The following DOK6 variants were observed in gnomAD, a reference collection of about 807,000 sequenced individuals.
DOK6 encodes the protein docking protein 6, also known as downstream of tyrosine kinase 6.
A neutral mutation model predicts 44.0 loss-of-function variants in DOK6; 22 were observed. That is an observed-to-expected ratio of 0.50 (90% CI 0.36 to 0.71). DOK6 has a LOEUF of 0.71. Ranked by LOEUF, DOK6 falls within the 30% of genes least tolerant of loss-of-function variation. The pLI is 0.00. For synonymous variants in DOK6, 166 were observed against 145.5 expected, an observed-to-expected ratio of 1.14 and a Z score of -1.01; for missense variants, 340 against 416.4, an observed-to-expected ratio of 0.82 and a Z score of 1.60.
intron 1 of DOK6, among the ~76,000 whole-genome samples, chr18:69,432,105 A>G (rs1599128030): frequency 6.6e-6 from 1 of 152,218 alleles, no homozygotes; most frequent in East Asian, 1.9e-4. Context: ...AATATAGTAT[A>G]CAATTAGTGA....
intron 1 of DOK6, among the ~76,000 whole-genome samples, chr18:69,521,312 A>G (rs1378937838): frequency 6.6e-6 from 1 of 151,864 alleles, no homozygotes; most frequent in East Asian, 1.9e-4. Flanking sequence ...CTCGATCATC[A>G]AGGTTCCTGT....
chr18:69,563,099 C>T (rs375006757), intron 1 of DOK6, among the ~76,000 whole-genome samples: 19 of 152,216 alleles, frequency 1.2e-4, no homozygotes, highest in African/African-American at 2.6e-4. Flanking sequence ...AACCACAATG[C>T]GATACCATCT....
chr18:69,659,982 A>ATGTAT (rs1375419973), intron 3 of DOK6: 1 of 137,198 alleles, frequency 7.3e-6, no homozygotes, highest in Non-Finnish European at 1.6e-5. Flanking sequence ...ATATGTATAT[A>ATGTAT]AAGAAAATCA....
At chr18:69,568,197 A>G (rs951982859) in intron 2 of DOK6, among the ~76,000 whole-genome samples, 2 of 152,200 alleles carry the variant, frequency 1.3e-5, no homozygotes, top group African/African-American at 4.8e-5. Context: ...GGCATGCCAT[A>G]TGCACAGCGT....
At chr18:69,499,016 G>A (rs898291322) in intron 1 of DOK6, among the ~76,000 whole-genome samples, 9 of 152,088 alleles carry the variant, frequency 5.9e-5, no homozygotes, top group African/African-American at 1.2e-4. Flanking sequence ...TCTCAACTGC[G>A]TCACTTTGAG....
In DOK6 at chr18:69,841,617, A is replaced by G; in HGVS notation, c.*234A>G. On this transcript the variant is annotated 3_prime_UTR_variant, in exon 8 of 8. Transcript: ENST00000382713. ...CTATGTTTTACATAAATAGAATCCA[A>G]ATCGTATGAACAGTTATTTAAATAA... 1 of 515,962 alleles carries G rather than the reference A, an allele frequency of 1.9e-6. No individual in the cohort carries two copies. Among genetic ancestry groups the G allele is most frequent in the Non-Finnish European group, 3.3e-6 (1 of 304,408 alleles). The allele number at this position is 515,962 out of a possible 1,614,324, so 32.0% of individuals were successfully genotyped here.
intron 1 of DOK6, among the ~76,000 whole-genome samples, chr18:69,429,240 G>C (rs181748795): frequency 1.3e-5 from 2 of 152,062 alleles, no homozygotes; most frequent in Non-Finnish European, 2.9e-5. Context: ...GAAATTATAA[G>C]AGAATTTTAG....
intron 3 of DOK6, among the ~76,000 whole-genome samples, chr18:69,636,395 A>G (rs1174639563): frequency 6.6e-6 from 1 of 152,138 alleles, no homozygotes; most frequent in African/African-American, 2.4e-5. Context: ...ATGCCCTGGC[A>G]CCTTTCTTCT....
chr18:69,543,261 G>C (rs1982315982), intron 1 of DOK6, among the ~76,000 whole-genome samples: 1 of 151,580 alleles, frequency 6.6e-6, no homozygotes, highest in Non-Finnish European at 1.5e-5. Context: ...AATAAATGGT[G>C]ATTCTCCTTC....
chr18:69,666,790 C>G (rs1985670157), intron 3 of DOK6, among the ~76,000 whole-genome samples: 1 of 152,166 alleles, frequency 6.6e-6, no homozygotes, highest in African/African-American at 2.4e-5. Flanking sequence ...TGCTGACAAC[C>G]CTGGGTCACC....
chr18:69,689,791 T>C (rs1168222084), intron 4 of DOK6, among the ~76,000 whole-genome samples: 1 of 152,168 alleles, frequency 6.6e-6, no homozygotes, highest in Non-Finnish European at 1.5e-5. Context: ...TTTTATTGCA[T>C]CTTAATTTAC....
chr18:69,598,120 G>T (rs534620357), intron 2 of DOK6, among the ~76,000 whole-genome samples: 10 of 151,990 alleles, frequency 6.6e-5, no homozygotes, highest in African/African-American at 2.4e-4. Context: ...ATAGTGTAAT[G>T]TTAAATACAG....
intron 3 of DOK6, among the ~76,000 whole-genome samples, chr18:69,625,449 C>T (rs1363071902): frequency 1.3e-5 from 2 of 152,120 alleles, no homozygotes. Flanking sequence ...GTAGCCCATA[C>T]ACATAATAAG....
chr18:69,742,418 A>G (rs1978833368), intron 6 of DOK6, among the ~76,000 whole-genome samples: 1 of 91,068 alleles, frequency 1.1e-5, no homozygotes, highest in African/African-American at 2.9e-5. Context: ...CCATCTCAAA[A>G]AAAAAAAAAA....
At chr18:69,435,033 A>AGGAAGGAAGGAC (rs1978929968) in intron 1 of DOK6, among the ~76,000 whole-genome samples, 3 of 62,978 alleles carry the variant, frequency 4.8e-5, no homozygotes, top group African/African-American at 5.7e-5. Flanking sequence ...GAGGGAAGGA[A>AGGAAGGAAGGAC]GGAAGGAAGG....
At chr18:69,513,814 G>A (rs931639919) in intron 1 of DOK6, among the ~76,000 whole-genome samples, 1 of 152,018 alleles carries the variant, frequency 6.6e-6, no homozygotes, top group Non-Finnish European at 1.5e-5. Context: ...TTATAAAACT[G>A]CAACATTATA....
At chr18:69,462,494 T>G (rs1270679221) in intron 1 of DOK6, among the ~76,000 whole-genome samples, 1 of 152,212 alleles carries the variant, frequency 6.6e-6, no homozygotes, top group Non-Finnish European at 1.5e-5. Flanking sequence ...TTGATTACAT[T>G]ATTGCTTCTT....
At chr18:69,563,697 T>C (rs1407754841) in intron 1 of DOK6, among the ~76,000 whole-genome samples, 2 of 151,724 alleles carry the variant, frequency 1.3e-5, no homozygotes, top group Non-Finnish European at 2.9e-5. Context: ...ATATACCTAA[T>C]GTTAAATGAC....
intron 1 of DOK6, among the ~76,000 whole-genome samples, chr18:69,515,256 A>G (rs1981488855): frequency 6.6e-6 from 1 of 152,206 alleles, no homozygotes; most frequent in South Asian, 2.1e-4. Flanking sequence ...GTAAATATTT[A>G]TAGTCAAGAA....
Sources: gnomAD v4.1 joint callset for allele counts (sites outside exome capture counted in the v4.1 genomes callset) on GRCh38, gnomAD v4.1.1 for gene constraint, MANE v1.5 for transcripts, NCBI Gene and HGNC (gene_info 2026-07-23, HGNC 2026-07-21) for gene names.